Variants in BTAF1 observed in about 807,000 individuals in gnomAD.
BTAF1 encodes the protein B-TFIID TATA-box binding protein associated factor 1.
BTAF1 carries 38 observed loss-of-function variants against 227.1 expected under a neutral mutation model. The observed-to-expected ratio is 0.17, with a 90% CI of 0.13 to 0.22. The LOEUF (loss-of-function observed/expected upper bound fraction) is 0.22. BTAF1 is among the 10% of genes least tolerant of loss of function. The pLI, the probability that BTAF1 is intolerant of heterozygous loss-of-function variation, is 1.00. For synonymous variants in BTAF1, 742 were observed against 751.9 expected (o/e 0.99, Z 0.21); for missense variants, 1,598 against 2,204.0 (o/e 0.73, Z 5.51).
intron 4 of BTAF1, among the ~76,000 whole-genome samples, chr10:91,944,613 GT>G (rs1183807885): frequency 6.6e-6 from 1 of 152,106 alleles, no homozygotes; most frequent in Non-Finnish European, 1.5e-5. Context: ...CAATTCAGTG[GT>G]TTTTAGTATA....
chr10:91,964,276 CAA>C, intron 13 of BTAF1, 75 bp downstream of exon 13: 2 of 1,481,430 alleles, frequency 1.4e-6, no homozygotes, highest in Non-Finnish European at 9.2e-7. Context: ...CTAAACATAA[CAA>C]TATTTTAGCA....
rs911776736 is a variant in BTAF1 at position 92,029,790 on chromosome 10, A to G, written c.*857A>G. 2 of 152,400 alleles carry G rather than the reference A, an allele frequency of 1.3e-5. No individual in the cohort carries two copies. Among genetic ancestry groups the G allele is most frequent in the Non-Finnish European group, 1.5e-5 (1 of 67,934 alleles). The allele number at this position is 152,400 out of a possible 1,614,324, so 9.4% of individuals were successfully genotyped here. A position where few individuals can be genotyped will look rare whatever the true frequency, so the allele number is the denominator to read the frequency against. On this transcript the variant is annotated 3_prime_UTR_variant, in exon 38 of 38. Coordinates refer to ENST00000265990, the MANE Select transcript of BTAF1 (RefSeq NM_003972.3). ...AGTGGAAAGACTGTTTATTGTAGTA[A>G]TGCATGGCTGAAGCATAAAAGGGAG...
chr10:91,928,047 T>C (rs1423955120), intron 1 of BTAF1, among the ~76,000 whole-genome samples: 1 of 151,054 alleles, frequency 6.6e-6, no homozygotes, highest in Non-Finnish European at 1.5e-5. Flanking sequence ...GGCCATTTTC[T>C]AATTTTAACA....
At position 91,989,609 on chromosome 10, in the gene BTAF1, G is replaced by A. The variant is rs182791554; in HGVS notation, c.2854+29G>A. The stretch of plus-strand genomic sequence containing the variant: ...TATACCTAAACTTTTATTTGGGGTA[G>A]AGAAATAACCTTTTAAATTTGTTTT... On this transcript the variant is annotated intron_variant, in intron 20 of 37. Transcript: ENST00000265990. 72 of 1,534,350 alleles carry A rather than the reference G, an allele frequency of 4.7e-5. No individual in the cohort carries two copies. The East Asian group carries it at 1.6e-3, about 33-fold the overall frequency.
intron 4 of BTAF1, among the ~76,000 whole-genome samples, chr10:91,946,459 A>G (rs947014602): frequency 7.2e-5 from 11 of 152,248 alleles, no homozygotes; most frequent in African/African-American, 2.7e-4. Flanking sequence ...CTAGGAGTGG[A>G]ATTACTGGCT....
At chr10:91,937,222 G>A (rs888204377) in intron 2 of BTAF1, among the ~76,000 whole-genome samples, 1 of 151,802 alleles carries the variant, frequency 6.6e-6, no homozygotes, top group Non-Finnish European at 1.5e-5. Context: ...CTTGATCTCT[G>A]GACCTCGTGA....
At chr10:92,007,236 T>G (rs1353409422) in intron 25 of BTAF1, among the ~76,000 whole-genome samples, 1 of 142,552 alleles carries the variant, frequency 7.0e-6, no homozygotes, top group Non-Finnish European at 1.5e-5. Context: ...TTTTTTTTTT[T>G]GAGATGGAGT....
At chr10:91,926,747 C>G (rs1338539102) in intron 1 of BTAF1, among the ~76,000 whole-genome samples, 1 of 152,218 alleles carries the variant, frequency 6.6e-6, no homozygotes, top group Non-Finnish European at 1.5e-5. Context: ...ATGTTTAGTA[C>G]AAGACAGGAG....
chr10:91,955,217 G>A (rs957469161), intron 6 of BTAF1, among the ~76,000 whole-genome samples: 5 of 152,098 alleles, frequency 3.3e-5, no homozygotes, highest in Non-Finnish European at 7.4e-5. Flanking sequence ...ATTCATACAA[G>A]CACTTTTAGC....
In BTAF1 at chr10:91,959,915, A is replaced by G. The variant is rs1564674770; in HGVS notation, c.1086+35A>G. On this transcript the variant is annotated intron_variant, in intron 10 of 37. Transcript: ENST00000265990. ...ATTTAAGGGAGGCTTTGCCCAATCA[A>G]ATTTCAAATTCTACAAAATACGTTT... 1.9e-6 allele frequency: 3 copies of G among 1,601,112 alleles called. No individual in the cohort carries two copies. The South Asian group carries it at 3.4e-5, about 18-fold the overall frequency.
rs1453908053 is a variant in BTAF1, at chr10:91,945,840, AT to A, written c.400+3278del. ...GGATCAGATGGTCATTCTATTTTTA[AT>A]TTTTTGAGGAGCTGCCATTCAGTTT... is the stretch of plus-strand genomic sequence containing the variant. On this transcript the variant is annotated intron_variant, in intron 4 of 37. Coordinates refer to ENST00000265990, the MANE Select transcript of BTAF1 (RefSeq NM_003972.3). Among the ~76,000 whole-genome samples, 5 of 152,170 alleles carry A rather than the reference AT, an allele frequency of 3.3e-5. No individual in the cohort carries two copies. In the East Asian group the frequency reaches 9.7e-4, roughly 29 times the overall value.
intron 25 of BTAF1, 101 bp downstream of exon 25, chr10:91,997,852 T>C (rs1849245345): frequency 1.6e-6 from 2 of 1,217,520 alleles, no homozygotes; most frequent in South Asian, 2.9e-5. Context: ...CTCATGCCTG[T>C]AATCCCAGCA....
intron 14 of BTAF1, among the ~76,000 whole-genome samples, chr10:91,974,678 C>T (rs567438817): frequency 3.9e-5 from 6 of 152,176 alleles, no homozygotes; most frequent in Admixed American, 3.3e-4. Context: ...ACAGTGAAAC[C>T]CTGTCTTTAC....
chr10:92,007,659 CT>C (rs1850019014), intron 25 of BTAF1, among the ~76,000 whole-genome samples: 1 of 152,202 alleles, frequency 6.6e-6, no homozygotes, highest in South Asian at 2.1e-4. Flanking sequence ...TCCATGGTAA[CT>C]TTTGTAACAT....
chr10:92,001,989 C>A (rs867514172), intron 25 of BTAF1, among the ~76,000 whole-genome samples: 1 of 102,480 alleles, frequency 9.8e-6, no homozygotes, highest in Non-Finnish European at 2.2e-5. Flanking sequence ...TATATATACA[C>A]ACACACACAC....
intron 1 of BTAF1, 128 bp from the exon 2 acceptor site, chr10:91,935,529 C>A: frequency 1.0e-6 from 1 of 967,504 alleles, no homozygotes; most frequent in Non-Finnish European, 1.4e-6. Context: ...ACCATAATGT[C>A]TTTCCGGGGC....
At chr10:91,941,153 A>G (rs543609178) in intron 3 of BTAF1, among the ~76,000 whole-genome samples, 1 of 152,350 alleles carries the variant, frequency 6.6e-6, no homozygotes, top group Admixed American at 6.5e-5. Context: ...TAGAGAAGTT[A>G]TAACTTGTTT....
At chr10:91,936,611 G>C (rs1361254877) in intron 2 of BTAF1, among the ~76,000 whole-genome samples, 2 of 152,162 alleles carry the variant, frequency 1.3e-5, no homozygotes, top group African/African-American at 4.8e-5. Context: ...TTCCCACTTA[G>C]ATATTATCAG....
At chr10:91,973,473 G>A (rs1847453458) in intron 14 of BTAF1, among the ~76,000 whole-genome samples, 1 of 152,270 alleles carries the variant, frequency 6.6e-6, no homozygotes, top group East Asian at 1.9e-4. Flanking sequence ...TGGGGTATAG[G>A]AATGATATTT....
Sources: allele counts gnomAD v4.1 joint callset (sites outside exome capture counted in the v4.1 genomes callset), GRCh38; gene constraint gnomAD v4.1.1; transcripts MANE v1.5; gene names NCBI Gene and HGNC (gene_info 2026-07-23, HGNC 2026-07-21).